Variants in CCDC178 observed in about 807,000 individuals in gnomAD.
The protein encoded by CCDC178 is coiled-coil domain-containing protein 178.
Under a neutral mutation model 117.4 loss-of-function variants are expected in CCDC178, and 126 were observed. The observed-to-expected ratio is 1.07, with a 90% CI of 0.93 to 1.24. The LOEUF (loss-of-function observed/expected upper bound fraction) is 1.24. Among genes scored for constraint, CCDC178 ranks in the 50% most tolerant of loss-of-function variants. CCDC178 has a pLI of 0.00. For synonymous variants in CCDC178, 283 were observed against 313.4 expected, an observed-to-expected ratio of 0.90 and a Z score of 1.02; for missense variants, 1,030 against 986.9, an observed-to-expected ratio of 1.04 and a Z score of -0.59.
At chr18:33,401,892 A>G (rs1365864205) in intron 3 of CCDC178, among the ~76,000 whole-genome samples, 1 of 152,118 alleles carries the variant, frequency 6.6e-6, no homozygotes, top group Non-Finnish European at 1.5e-5. Context: ...AAATGAACAC[A>G]TGGAAATTAT....
intron 2 of CCDC178, among the ~76,000 whole-genome samples, chr18:33,419,108 C>G (rs2144925767): frequency 6.6e-6 from 1 of 152,190 alleles, no homozygotes; most frequent in African/African-American, 2.4e-5. Flanking sequence ...ACCAATGAAA[C>G]AGAATAAAGA....
intron 21 of CCDC178, among the ~76,000 whole-genome samples, chr18:33,017,354 A>G (rs913782318): frequency 1.3e-5 from 2 of 151,952 alleles, no homozygotes; most frequent in African/African-American, 4.8e-5. Flanking sequence ...TAGCATCAAA[A>G]GAATAAAATA....
intron 15 of CCDC178, among the ~76,000 whole-genome samples, chr18:33,237,678 G>A (rs67881407): frequency 0.062 from 9,485 of 152,026 alleles, 481 homozygotes; most frequent in African/African-American, 0.14. Flanking sequence ...AAACCATATG[G>A]CCATGTGCTG....
At chr18:33,080,905 A>G (rs2057286690) in intron 21 of CCDC178, among the ~76,000 whole-genome samples, 1 of 152,194 alleles carries the variant, frequency 6.6e-6, no homozygotes, top group Admixed American at 6.6e-5. Context: ...GGCAGTGAAG[A>G]GATGCTGAAA....
At chr18:33,350,595 T>C (rs756298661) in intron 7 of CCDC178, among the ~76,000 whole-genome samples, 1 of 152,202 alleles carries the variant, frequency 6.6e-6, no homozygotes, top group Non-Finnish European at 1.5e-5. Context: ...TTGCAGTATG[T>C]AGAAGAATTT....
At chr18:33,093,053 C>T in intron 20 of CCDC178, 143 bp from the exon 21 acceptor site, 2 of 460,266 alleles carry the variant, frequency 4.3e-6, no homozygotes, top group Non-Finnish European at 7.4e-6. Flanking sequence ...ACAAAATAAC[C>T]AAAAAATGTT....
intron 21 of CCDC178, among the ~76,000 whole-genome samples, chr18:33,017,630 C>G (rs1184139413): frequency 6.6e-6 from 1 of 151,746 alleles, no homozygotes. Flanking sequence ...TTCAGAAGAA[C>G]CAAAACGATC....
At chr18:33,084,229 T>A (rs2057342507) in intron 21 of CCDC178, among the ~76,000 whole-genome samples, 1 of 152,216 alleles carries the variant, frequency 6.6e-6, no homozygotes, top group Non-Finnish European at 1.5e-5. Context: ...CATGTTCCAG[T>A]ACAGAATGGT....
intron 20 of CCDC178, among the ~76,000 whole-genome samples, chr18:33,124,067 A>C (rs2057972143): frequency 6.6e-6 from 1 of 152,174 alleles, no homozygotes; most frequent in Non-Finnish European, 1.5e-5. Context: ...TTTCAGGTTT[A>C]ATTACTCTGT....
At chr18:33,320,532 AC>A (rs1488593197) in intron 11 of CCDC178, among the ~76,000 whole-genome samples, 7 of 152,198 alleles carry the variant, frequency 4.6e-5, no homozygotes, top group African/African-American at 1.4e-4. Flanking sequence ...AATCCAACTT[AC>A]AAGGGATGTG....
intron 22 of CCDC178, among the ~76,000 whole-genome samples, chr18:32,947,913 C>T (rs1432300215): frequency 1.3e-5 from 2 of 152,028 alleles, no homozygotes; most frequent in Non-Finnish European, 2.9e-5. Context: ...TATTTATTTT[C>T]ACATAGATAT....
intron 20 of CCDC178, among the ~76,000 whole-genome samples, chr18:33,163,639 T>TTA: frequency 6.6e-6 from 1 of 152,204 alleles, no homozygotes; most frequent in Non-Finnish European, 1.5e-5. Context: ...AACTTTGACT[T>TTA]TACTAAATTG....
At chr18:33,249,423 C>A (rs1465647640) in intron 14 of CCDC178, among the ~76,000 whole-genome samples, 1 of 152,022 alleles carries the variant, frequency 6.6e-6, no homozygotes, top group Non-Finnish European at 1.5e-5. Context: ...AGTCTTTAAT[C>A]CATCTTTAAT....
rs943948181 is a variant in CCDC178, at chr18:33,001,512, C to CA, written c.2389-26832dup. 4.7e-4 allele frequency among the ~76,000 whole-genome samples: 71 copies of CA among 150,632 alleles called. 1 individual carries two copies. Among genetic ancestry groups the CA allele is most frequent in the African/African-American group, 1.7e-3 (69 of 41,000 alleles). ...TGGGCGACAGAGCGAGACTCTGTCT[C>CA]AAAAAAAGAAAAATAAATAAATAAA... On this transcript the variant is annotated intron_variant, in intron 21 of 22. Coordinates refer to ENST00000383096, the MANE Select transcript of CCDC178 (RefSeq NM_001105528.4).
At chr18:33,367,071 T>G (rs1182358124) in intron 6 of CCDC178, among the ~76,000 whole-genome samples, 1 of 152,108 alleles carries the variant, frequency 6.6e-6, no homozygotes, top group Non-Finnish European at 1.5e-5. Context: ...TTTCTGCAGG[T>G]AATTATTCAT....
intron 20 of CCDC178, among the ~76,000 whole-genome samples, chr18:33,107,709 A>T (rs1277359156): frequency 6.6e-6 from 1 of 151,578 alleles, no homozygotes; most frequent in African/African-American, 2.4e-5. Flanking sequence ...TATTTCTTAT[A>T]ATTTGCTATG....
intron 20 of CCDC178, among the ~76,000 whole-genome samples, chr18:33,096,495 C>T (rs987419157): frequency 6.6e-6 from 1 of 151,236 alleles, no homozygotes; most frequent in Non-Finnish European, 1.5e-5. Flanking sequence ...GTTATAAATT[C>T]CACATATAAT....
chr18:33,418,390 A>C (rs2063975554), intron 2 of CCDC178, among the ~76,000 whole-genome samples: 2 of 152,154 alleles, frequency 1.3e-5, no homozygotes, highest in African/African-American at 4.8e-5. Context: ...CATCATACTG[A>C]ACGGACAAAA....
intron 15 of CCDC178, among the ~76,000 whole-genome samples, chr18:33,236,819 C>T (rs2059431278): frequency 6.6e-6 from 1 of 152,176 alleles, no homozygotes; most frequent in African/African-American, 2.4e-5. Context: ...GCAGCCCCAT[C>T]TCCTGTTCCT....
Sources: allele counts gnomAD v4.1 joint callset (sites outside exome capture counted in the v4.1 genomes callset), GRCh38; gene constraint gnomAD v4.1.1; transcripts MANE v1.5; gene names NCBI Gene and HGNC (gene_info 2026-07-23, HGNC 2026-07-21).